SLC44A5: variants seen among roughly 807,000 people sequenced by gnomAD.
The protein encoded by SLC44A5 is choline transporter-like protein 5.
In SLC44A5, 57 loss-of-function variants were observed where a neutral mutation model predicts 101.8. The ratio of observed to expected loss-of-function variants is 0.56; its 90% CI spans 0.45 to 0.70. The LOEUF (loss-of-function observed/expected upper bound fraction) is 0.70, where lower values mean the gene tolerates loss of function less well. Ranked by LOEUF, SLC44A5 falls within the 30% of genes least tolerant of loss-of-function variation. The pLI is 0.00. For synonymous variants in SLC44A5, 281 were observed against 290.9 expected (o/e 0.97, Z 0.35); for missense variants, 737 against 853.1 (o/e 0.86, Z 1.70).
the SLC44A5 span, chr1:75,710,545 C>G: frequency 5.1e-5 from 5 of 98,638 alleles, no homozygotes; most frequent in East Asian, 1.0e-3. Flanking sequence ...GCCTGGGTAA[C>G]AGAGAGAGAC....
At chr1:75,484,828 C>T (rs765606658) in intron 2 of SLC44A5, among the ~76,000 whole-genome samples, 3 of 152,228 alleles carry the variant, frequency 2.0e-5, no homozygotes, top group Admixed American at 6.5e-5. Flanking sequence ...CCCAACACCA[C>T]GTGAAAGCTG....
At chr1:75,401,713 G>A (rs1028949173) in intron 2 of SLC44A5, among the ~76,000 whole-genome samples, 1 of 152,184 alleles carries the variant, frequency 6.6e-6, no homozygotes, top group African/African-American at 2.4e-5. Flanking sequence ...CCATCTAGAT[G>A]CCCTTGTAAA....
At chr1:75,249,323 G>A (rs1354300005) in intron 7 of SLC44A5, among the ~76,000 whole-genome samples, 4 of 152,132 alleles carry the variant, frequency 2.6e-5, no homozygotes, top group Admixed American at 2.6e-4. Flanking sequence ...TTAAGTTTCT[G>A]AGGTAATTGT....
the SLC44A5 span, among the ~76,000 whole-genome samples, chr1:75,700,145 A>G: frequency 6.6e-6 from 1 of 152,176 alleles, no homozygotes; most frequent in African/African-American, 2.4e-5. Flanking sequence ...TCAGCTCTGC[A>G]CCAAGCAGAC....
intron 2 of SLC44A5, among the ~76,000 whole-genome samples, chr1:75,436,778 C>T (rs927458352): frequency 6.6e-6 from 1 of 152,122 alleles, no homozygotes; most frequent in Non-Finnish European, 1.5e-5. Context: ...AAAACAAAAG[C>T]ACAATATACA....
the SLC44A5 span, among the ~76,000 whole-genome samples, chr1:75,617,513 A>G: frequency 6.6e-6 from 1 of 152,206 alleles, no homozygotes; most frequent in Non-Finnish European, 1.5e-5. Flanking sequence ...AGCTCCTGAG[A>G]TATTAGTGAC....
At chr1:75,578,423 ATGAT>A (rs569716492) in intron 1 of SLC44A5, among the ~76,000 whole-genome samples, 26 of 152,322 alleles carry the variant, frequency 1.7e-4, no homozygotes, top group Non-Finnish European at 2.9e-4. Flanking sequence ...AGATAGACAG[ATGAT>A]TGATAGATAG....
At chr1:75,648,308 G>T in the SLC44A5 span, among the ~76,000 whole-genome samples, 6 of 152,276 alleles carry the variant, frequency 3.9e-5, no homozygotes, top group Non-Finnish European at 7.4e-5. Flanking sequence ...ATGCAGAACT[G>T]TGAGTCAATT....
At chr1:75,285,008 G>A (rs904001101) in intron 5 of SLC44A5, among the ~76,000 whole-genome samples, 4 of 151,940 alleles carry the variant, frequency 2.6e-5, no homozygotes, top group African/African-American at 9.7e-5. Context: ...TTGGCATTAG[G>A]GTGATACTGG....
chr1:75,335,832 T>C (rs1657401339), intron 4 of SLC44A5, among the ~76,000 whole-genome samples: 1 of 152,196 alleles, frequency 6.6e-6, no homozygotes, highest in Non-Finnish European at 1.5e-5. Context: ...AGTAGTCTTC[T>C]TTGCTCTGTG....
rs185300211 is a variant in SLC44A5, at chr1:75,476,058, C to G, written c.13+65377G>C. ...ATTAGCTGGGAATGGTGGTGCGCAC[C>G]TGTAATCCCAACTACTCAGGAGGCT... On this transcript the variant is annotated intron_variant, in intron 2 of 23. Coordinates refer to ENST00000370859, the MANE Select transcript of SLC44A5 (RefSeq NM_001130058.2). Among the ~76,000 whole-genome samples the G allele has an allele frequency of 9.4e-4, 143 of 152,184 alleles. 2 individuals are homozygous for G. The highest frequency in any genetic ancestry group is 3.4e-3 in the African/African-American group (141 of 41,508).
chr1:75,713,762 C>G, the SLC44A5 span, among the ~76,000 whole-genome samples: 1 of 152,134 alleles, frequency 6.6e-6, no homozygotes, highest in African/African-American at 2.4e-5. Context: ...TTGTGCTATA[C>G]GTCTCTCTGA....
intron 5 of SLC44A5, among the ~76,000 whole-genome samples, chr1:75,290,122 A>AG (rs1653413611): frequency 1.3e-5 from 2 of 152,204 alleles, no homozygotes; most frequent in African/African-American, 4.8e-5. Context: ...ACAAAAGATG[A>AG]CCTGGCTTCT....
intron 3 of SLC44A5, among the ~76,000 whole-genome samples, chr1:75,359,505 T>G (rs1489114288): frequency 6.6e-6 from 1 of 152,090 alleles, no homozygotes; most frequent in African/African-American, 2.4e-5. Flanking sequence ...TCTCCCAAAG[T>G]GCTGGGATTA....
chr1:75,568,537 GAGATTTCT>G (rs1280353362), intron 1 of SLC44A5, among the ~76,000 whole-genome samples: 1 of 152,106 alleles, frequency 6.6e-6, no homozygotes, highest in Non-Finnish European at 1.5e-5. Context: ...CCCACTTTGA[GAGATTTCT>G]CAGAGAATGA....
At chr1:75,366,167 CA>C (rs1659842760) in intron 3 of SLC44A5, among the ~76,000 whole-genome samples, 1 of 152,180 alleles carries the variant, frequency 6.6e-6, no homozygotes, top group South Asian at 2.1e-4. Flanking sequence ...TACTTAATAT[CA>C]TTTCATTTTA....
chr1:75,629,514 C>T, the SLC44A5 span, among the ~76,000 whole-genome samples: 863 of 152,154 alleles, frequency 5.7e-3, 12 homozygotes, highest in Admixed American at 0.034. Flanking sequence ...GAGTGTGGAT[C>T]CTCCTCCAAC....
At chr1:75,230,945 T>C (rs1295658216) in intron 12 of SLC44A5, among the ~76,000 whole-genome samples, 2 of 152,184 alleles carry the variant, frequency 1.3e-5, no homozygotes, top group African/African-American at 4.8e-5. Flanking sequence ...ATTCCCATAT[T>C]TGAATTCTTG....
chr1:75,614,065 G>A (rs1178872182), upstream of SLC44A5, among the ~76,000 whole-genome samples: 1 of 152,158 alleles, frequency 6.6e-6, no homozygotes, highest in Non-Finnish European at 1.5e-5. Flanking sequence ...ATGTATTTCT[G>A]CCAATGGATA....
Sources: gnomAD v4.1 joint callset for allele counts (sites outside exome capture counted in the v4.1 genomes callset) on GRCh38, gnomAD v4.1.1 for gene constraint, MANE v1.5 for transcripts, NCBI Gene and HGNC (gene_info 2026-07-23, HGNC 2026-07-21) for gene names.